The following PCCA variants were observed in gnomAD, a reference collection of about 807,000 sequenced individuals.
The protein encoded by PCCA is propionyl-CoA carboxylase subunit alpha.
PCCA carries 74 observed loss-of-function variants against 101.3 expected under a neutral mutation model. The ratio of observed to expected loss-of-function variants is 0.73; its 90% CI spans 0.61 to 0.89. The LOEUF is 0.89. Ranked by LOEUF, PCCA falls within the 40% of genes least tolerant of loss-of-function variation. The probability of loss-of-function intolerance (pLI) is 0.00; values close to 1 mark genes in which losing one functional copy is unlikely to be tolerated. For synonymous variants in PCCA, 294 were observed against 313.6 expected (o/e 0.94, Z 0.66); for missense variants, 891 against 907.0 (o/e 0.98, Z 0.23).
At chr13:100,257,326 G>A (rs2062140280) in intron 8 of PCCA, among the ~76,000 whole-genome samples, 1 of 152,074 alleles carries the variant, frequency 6.6e-6, no homozygotes, top group African/African-American at 2.4e-5. Flanking sequence ...TAATTTATGT[G>A]TGTTTTCTTA....
At chr13:100,410,266 C>T (rs929531834) in intron 19 of PCCA, among the ~76,000 whole-genome samples, 11 of 151,822 alleles carry the variant, frequency 7.2e-5, no homozygotes, top group African/African-American at 9.7e-5. Flanking sequence ...TTTTTTGAGA[C>T]GGAGTCTCGC....
At chr13:100,322,590 A>G (rs2068186805) in intron 16 of PCCA, among the ~76,000 whole-genome samples, 1 of 149,350 alleles carries the variant, frequency 6.7e-6, no homozygotes, top group Admixed American at 6.7e-5. Context: ...TTTCTTTTAG[A>G]GATAGGGTCT....
In PCCA at chr13:100,114,393, A is replaced by G. The variant is rs768362805; in HGVS notation, c.300+2332A>G. ...TGAGTTTGAGACCTAGAATAAATAA[A>G]TGGATGTTTAACCAGCCTGGCTAAG... On this transcript the variant is annotated intron_variant, in intron 4 of 23. Coordinates refer to ENST00000376285, the MANE Select transcript of PCCA (RefSeq NM_000282.4). Among the ~76,000 whole-genome samples the G allele has an allele frequency of 1.4e-4, 21 of 152,214 alleles. 1 individual carries two copies. Among genetic ancestry groups the G allele is most frequent in the Admixed American group, 9.2e-4 (14 of 15,278 alleles).
intron 8 of PCCA, among the ~76,000 whole-genome samples, chr13:100,242,425 C>A (rs536632306): frequency 2.6e-5 from 4 of 152,112 alleles, no homozygotes; most frequent in Non-Finnish European, 4.4e-5. Flanking sequence ...GAGAAACAGA[C>A]TAATTCTACA....
intron 8 of PCCA, among the ~76,000 whole-genome samples, chr13:100,248,165 T>C (rs2061554045): frequency 1.3e-5 from 2 of 152,310 alleles, no homozygotes; most frequent in South Asian, 4.1e-4. Context: ...GTCTTTTAGC[T>C]GGAGAGTTTA....
At chr13:100,369,048 A>G (rs546198641) in intron 19 of PCCA, among the ~76,000 whole-genome samples, 1 of 152,352 alleles carries the variant, frequency 6.6e-6, no homozygotes, top group South Asian at 2.1e-4. Context: ...TATAGGGTCC[A>G]AGATAGAACT....
chr13:100,245,173 G>A (rs1363996454), intron 8 of PCCA, among the ~76,000 whole-genome samples: 2 of 152,108 alleles, frequency 1.3e-5, no homozygotes, highest in Non-Finnish European at 1.5e-5. Flanking sequence ...AATAAAATCA[G>A]TGGAAAATTA....
intron 14 of PCCA, 57 bp downstream of exon 14, chr13:100,303,055 C>A (rs1377119332): frequency 3.1e-6 from 3 of 956,418 alleles, no homozygotes; most frequent in Middle Eastern, 2.1e-4. Context: ...TTATGTCATA[C>A]TTTTATGTTA....
intron 18 of PCCA, among the ~76,000 whole-genome samples, chr13:100,341,312 A>G (rs1241641433): frequency 2.6e-5 from 4 of 152,172 alleles, no homozygotes; most frequent in African/African-American, 7.2e-5. Flanking sequence ...TTCTTTCCCA[A>G]TATAAACTTC....
intron 6 of PCCA, among the ~76,000 whole-genome samples, chr13:100,190,254 C>T (rs2057648299): frequency 1.3e-5 from 2 of 152,148 alleles, no homozygotes. Context: ...GTGTGTTCAA[C>T]TTCTAGTGTG....
chr13:100,377,451 G>A (rs950255867), intron 19 of PCCA, among the ~76,000 whole-genome samples: 9 of 151,562 alleles, frequency 5.9e-5, no homozygotes, highest in African/African-American at 2.2e-4. Context: ...CATATATTTG[G>A]GTCATATGTT....
chr13:100,476,663 G>T (rs1000920335), intron 21 of PCCA, among the ~76,000 whole-genome samples: 11 of 152,268 alleles, frequency 7.2e-5, no homozygotes, highest in African/African-American at 2.6e-4. Context: ...TTGTGGAAAT[G>T]GACCAATTTC....
At chr13:100,204,116 A>T (rs2058706949) in intron 6 of PCCA, among the ~76,000 whole-genome samples, 1 of 150,148 alleles carries the variant, frequency 6.7e-6, no homozygotes, top group African/African-American at 2.4e-5. Context: ...TGGACAGTTC[A>T]GCTGTTTTTC....
chr13:100,203,921 T>C (rs188275619), intron 6 of PCCA, among the ~76,000 whole-genome samples: 18 of 152,318 alleles, frequency 1.2e-4, no homozygotes, highest in African/African-American at 4.3e-4. Context: ...GATGTTCCTA[T>C]TGACATCACT....
chr13:100,165,574 C>T lies in PCCA; in HGVS notation c.468+8234C>T, dbSNP rs145372867. Among the ~76,000 whole-genome samples, 20 of 152,212 alleles carry T rather than the reference C, an allele frequency of 1.3e-4. No homozygotes were observed. In the South Asian group the frequency reaches 2.1e-3, roughly 16 times the overall value. ...TTGAAGAATTGTACTACTACAAATGCCAGTAGATTCTATAATTAACATTTT... is the reference window on the plus strand; with the variant it reads ...TTGAAGAATTGTACTACTACAAATGTCAGTAGATTCTATAATTAACATTTT... On this transcript the variant is annotated intron_variant, in intron 6 of 23. Transcript: ENST00000376285.
chr13:100,229,427 T>C (rs964503393), intron 7 of PCCA, among the ~76,000 whole-genome samples: 6 of 152,256 alleles, frequency 3.9e-5, no homozygotes, highest in African/African-American at 1.4e-4. Flanking sequence ...AAATATCTGC[T>C]AGCTGTAATA....
intron 12 of PCCA, among the ~76,000 whole-genome samples, chr13:100,299,422 A>G (rs1189480822): frequency 6.6e-6 from 1 of 152,244 alleles, no homozygotes; most frequent in Non-Finnish European, 1.5e-5. Context: ...ATATACTTTT[A>G]TACATACATT....
chr13:100,090,338 A>T (rs561667470), intron 1 of PCCA, among the ~76,000 whole-genome samples: 1 of 152,146 alleles, frequency 6.6e-6, no homozygotes, highest in East Asian at 1.9e-4. Context: ...GTTCCCATAC[A>T]GTTTAGTGTT....
At chr13:100,225,353 C>T (rs538105866) in intron 7 of PCCA, among the ~76,000 whole-genome samples, 1 of 152,234 alleles carries the variant, frequency 6.6e-6, no homozygotes, top group South Asian at 2.1e-4. Flanking sequence ...ATTTAATGTC[C>T]TTTAGTTCTA....
Sources: allele counts gnomAD v4.1 joint callset (sites outside exome capture counted in the v4.1 genomes callset), GRCh38; gene constraint gnomAD v4.1.1; transcripts MANE v1.5; gene names NCBI Gene and HGNC (gene_info 2026-07-23, HGNC 2026-07-21).